AP1S3: variants seen among roughly 807,000 people sequenced by gnomAD.
AP1S3 encodes the protein adaptor related protein complex 1 subunit sigma 3, also known as AP-1 complex subunit sigma-3.
Under a neutral mutation model 20.9 loss-of-function variants are expected in AP1S3, and 10 were observed. The ratio of observed to expected loss-of-function variants is 0.48; its 90% CI spans 0.29 to 0.81. The LOEUF is 0.81. AP1S3 is among the 30% of genes least tolerant of loss of function. The pLI is 0.08. For synonymous variants in AP1S3, 41 were observed against 61.5 expected (o/e 0.67, Z 1.56); for missense variants, 154 against 183.8 (o/e 0.84, Z 0.94).
chr2:223,821,728 T>G (rs1691991480), intron 1 of AP1S3, among the ~76,000 whole-genome samples: 1 of 152,184 alleles, frequency 6.6e-6, no homozygotes, highest in African/African-American at 2.4e-5. Flanking sequence ...CACACCTGGA[T>G]GAGCCTGGCT....
rs543439222 is a variant in AP1S3, at chr2:223,822,616, G to A, written c.3+14832C>T. On this transcript the variant is annotated intron_variant, in intron 1 of 4. Transcript: ENST00000396654. ...GGAGAATCGCTTTAACCTGGGAGGC[G>A]GAGGTTGCAGTGAGCCGAGATCGCG... 5.3e-4 allele frequency among the ~76,000 whole-genome samples: 80 copies of A among 152,164 alleles called. 2 individuals carry two copies. The South Asian group carries it at 0.016, about 30-fold the overall frequency.
In AP1S3 at chr2:223,777,806, G is replaced by A. The variant is rs1574695604; in HGVS notation, c.67C>T (p.Leu23Phe). Residue 23 changes from leucine to phenylalanine, a missense_variant, in exon 2 of 5, where the codon CTC becomes TTC. Coordinates refer to ENST00000396654, the MANE Select transcript of AP1S3 (RefSeq NM_001039569.2). ...KLRLQKWYIT[L>F]PDKERKKITR... Reference sequence around the variant, plus strand: ...ATCTTCTTCCTCTCTTTATCAGGGAGAGTGATGTACCATTTCTGTAGCCGT... The same window carrying A: ...ATCTTCTTCCTCTCTTTATCAGGGAAAGTGATGTACCATTTCTGTAGCCGT... The A allele has an allele frequency of 6.2e-7, 1 of 1,614,138 alleles. No individual in the cohort carries two copies. Among genetic ancestry groups the A allele is most frequent in the Non-Finnish European group, 8.5e-7 (1 of 1,180,004 alleles).
chr2:223,775,984 C>T lies in AP1S3; in HGVS notation c.208G>A (p.Ala70Thr). The T allele has an allele frequency of 6.2e-7, 1 of 1,613,976 alleles. No individual in the cohort carries two copies. The highest frequency in any genetic ancestry group is 8.5e-7 in the Non-Finnish European group (1 of 1,179,918). The change falls in exon 3 of 5, where the codon GCA (alanine) becomes ACA (threonine). Residue 70 changes from alanine to threonine, a missense_variant. Transcript: ENST00000396654. ...AGCTCATTGTCCTGATTTTCTATTG[C>T]ACAGCAAAAATATAAACTAGCATAC... is the stretch of plus-strand genomic sequence containing the variant. ...KRYASLYFCCAIENQDNELLT... is the reference protein window; with the variant it reads ...KRYASLYFCCTIENQDNELLT...
At position 223,758,524 on chromosome 2, in the gene AP1S3, T is replaced by A. The variant is rs533058835; in HGVS notation, c.*191A>T. ...TATACAGTATAACACAGACACATAATTTTTTTTAATAATACAGACACATAG... is the reference window on the plus strand; with the variant it reads ...TATACAGTATAACACAGACACATAAATTTTTTTAATAATACAGACACATAG... On this transcript the variant is annotated 3_prime_UTR_variant, in exon 5 of 5. Coordinates refer to ENST00000396654, the MANE Select transcript of AP1S3 (RefSeq NM_001039569.2). 5 of 1,276,556 alleles carry A rather than the reference T, an allele frequency of 3.9e-6. No individual in the cohort carries two copies. In the African/African-American group the frequency reaches 7.8e-5, roughly 20 times the overall value. 79.1% of individuals were successfully genotyped at this position (1,276,556 alleles called of 1,614,324 possible).
chr2:223,825,312 CA>C (rs3080005), intron 1 of AP1S3, among the ~76,000 whole-genome samples: 1 of 146,112 alleles, frequency 6.8e-6, no homozygotes. Flanking sequence ...GACTCCGTCT[CA>C]AAAAAAAAAG....
intron 1 of AP1S3, among the ~76,000 whole-genome samples, chr2:223,784,415 C>A (rs1170644934): frequency 6.6e-6 from 1 of 151,982 alleles, no homozygotes; most frequent in Non-Finnish European, 1.5e-5. Context: ...ACCCACCCCC[C>A]AACACGATGT....
chr2:223,817,426 T>C (rs1346891117), intron 1 of AP1S3, among the ~76,000 whole-genome samples: 1 of 151,822 alleles, frequency 6.6e-6, no homozygotes, highest in African/African-American at 2.4e-5. Context: ...CTGACCAACA[T>C]GGAGAAACCC....
At position 223,758,148 on chromosome 2, in the gene AP1S3, AAAAT is replaced by A. The variant is rs1457289992; in HGVS notation, c.*563_*566del. ...TATTTTCATAATCCCAATTCTAAAAAAAATAAATGAATTCAGCACATTAAAATCA... is the reference window on the plus strand; with the variant it reads ...TATTTTCATAATCCCAATTCTAAAAAAAATGAATTCAGCACATTAAAATCA... On this transcript the variant is annotated 3_prime_UTR_variant, in exon 5 of 5. Coordinates refer to ENST00000396654, the MANE Select transcript of AP1S3 (RefSeq NM_001039569.2). The A allele has an allele frequency of 1.5e-5, 15 of 981,930 alleles. No homozygotes were observed. In the East Asian group the frequency reaches 1.7e-3, roughly 112 times the overall value. The allele number at this position is 981,930 out of a possible 1,614,324, so 60.8% of individuals were successfully genotyped here. A position where few individuals can be genotyped will look rare whatever the true frequency, so the allele number is the denominator to read the frequency against.
intron 1 of AP1S3, among the ~76,000 whole-genome samples, chr2:223,811,009 T>C (rs1041809590): frequency 6.6e-6 from 1 of 152,186 alleles, no homozygotes; most frequent in Admixed American, 6.5e-5. Context: ...CCATTTTTTT[T>C]ATTTCAATAG....
At chr2:223,832,012 G>A (rs1447302384) in intron 1 of AP1S3, among the ~76,000 whole-genome samples, 4 of 151,732 alleles carry the variant, frequency 2.6e-5, no homozygotes, top group South Asian at 2.1e-4. Context: ...GGGAGGCAGC[G>A]CTTGCAGTGA....
intron 1 of AP1S3, among the ~76,000 whole-genome samples, chr2:223,806,947 T>A (rs1212202395): frequency 1.3e-5 from 2 of 152,198 alleles, no homozygotes; most frequent in African/African-American, 4.8e-5. Flanking sequence ...CATAATTTTT[T>A]AAAATTTAAT....
At chr2:223,803,589 T>C (rs1304872775) in intron 1 of AP1S3, among the ~76,000 whole-genome samples, 1 of 152,030 alleles carries the variant, frequency 6.6e-6, no homozygotes, top group Non-Finnish European at 1.5e-5. Context: ...TGTAGGAAAT[T>C]TGAAGTCACT....
rs181765181 is a variant in AP1S3, at chr2:223,786,122, A to T, written c.4-8253T>A. ...TTTGTTGTGAACTTAACACTGCTCT[A>T]AAAAAATTAAGTCTTAAGAAATGTA... On this transcript the variant is annotated intron_variant, in intron 1 of 4. Transcript: ENST00000396654. Among the ~76,000 whole-genome samples, 146 of 152,242 alleles carry T rather than the reference A, an allele frequency of 9.6e-4. 2 individuals carry two copies. Among genetic ancestry groups the T allele is most frequent in the African/African-American group, 3.4e-3 (143 of 41,540 alleles).
chr2:223,832,131 C>T (rs1310203270), intron 1 of AP1S3, among the ~76,000 whole-genome samples: 1 of 114,748 alleles, frequency 8.7e-6, no homozygotes, highest in African/African-American at 3.8e-5. Context: ...AAGGAGTTTT[C>T]TCTCTGTGTG....
At chr2:223,824,814 C>G (rs755250195) in intron 1 of AP1S3, among the ~76,000 whole-genome samples, 4 of 152,166 alleles carry the variant, frequency 2.6e-5, no homozygotes, top group Non-Finnish European at 5.9e-5. Context: ...GGATTGCAGG[C>G]GTAAGCCACC....
intron 1 of AP1S3, among the ~76,000 whole-genome samples, chr2:223,800,819 A>G (rs1199299403): frequency 6.6e-6 from 1 of 152,198 alleles, no homozygotes; most frequent in Admixed American, 6.5e-5. Flanking sequence ...TCAATATCAT[A>G]CTAGTCCTAG....
chr2:223,778,286 C>T (rs899799949), intron 1 of AP1S3, among the ~76,000 whole-genome samples: 6 of 151,866 alleles, frequency 4.0e-5, no homozygotes, highest in Middle Eastern at 3.4e-3. Flanking sequence ...CCTCCATGCC[C>T]GGCTAATTCT....
chr2:223,769,601 T>C (rs532256177), intron 3 of AP1S3, among the ~76,000 whole-genome samples: 14 of 74,464 alleles, frequency 1.9e-4, no homozygotes, highest in Middle Eastern at 7.4e-3. Flanking sequence ...TCCCTGCTGT[T>C]GTATATGTTT....
chr2:223,833,537 A>T (rs989877167), intron 1 of AP1S3, among the ~76,000 whole-genome samples: 1 of 152,220 alleles, frequency 6.6e-6, no homozygotes, highest in African/African-American at 2.4e-5. Flanking sequence ...CACTGGCACC[A>T]TGGAATCAAG....
Sources: allele counts gnomAD v4.1 joint callset (sites outside exome capture counted in the v4.1 genomes callset), GRCh38; gene constraint gnomAD v4.1.1; transcripts MANE v1.5; gene names NCBI Gene and HGNC (gene_info 2026-07-23, HGNC 2026-07-21).